The following ANXA10 variants were observed in gnomAD, a reference collection of about 807,000 sequenced individuals.
ANXA10 encodes the protein annexin 14.
A neutral mutation model predicts 53.5 loss-of-function variants in ANXA10; 49 were observed. That is an observed-to-expected ratio of 0.92 (90% CI 0.73 to 1.16). The LOEUF (loss-of-function observed/expected upper bound fraction) is 1.16, where lower values mean the gene tolerates loss of function less well. Ranked by LOEUF, ANXA10 falls within the 50% of genes most tolerant of loss-of-function variation. ANXA10 has a pLI of 0.00. For missense variants in ANXA10, 393 were observed against 394.4 expected (o/e 1.00, Z 0.03); for synonymous variants, 131 against 128.9 (o/e 1.02, Z -0.11).
intron 3 of ANXA10, among the ~76,000 whole-genome samples, chr4:168,157,428 T>TGGCTAATTGTTATATTTTTA (rs1731707188): frequency 1.3e-5 from 2 of 151,936 alleles, no homozygotes; most frequent in Admixed American, 6.6e-5. Flanking sequence ...CCACCACCCC[T>TGGCTAATTGTTATATTTTTA]GGCTAATTGT....
chr4:168,098,621 A>G (rs987153811), intron 1 of ANXA10, among the ~76,000 whole-genome samples: 3 of 152,146 alleles, frequency 2.0e-5, no homozygotes, highest in South Asian at 2.1e-4. Context: ...TACTTTACTC[A>G]TAGCTTTTGG....
rs149289863 is a variant in ANXA10 at position 168,111,843 on chromosome 4, T to C, written c.19-16241T>C. Among the ~76,000 whole-genome samples, 812 of 152,302 alleles carry C rather than the reference T, an allele frequency of 5.3e-3. 5 individuals are homozygous for C. Among genetic ancestry groups the C allele is most frequent in the Middle Eastern group, 0.024 (7 of 294 alleles). ...TTTCAGTTCTTTTTAAATAATATAG[T>C]ACTGATCAATAAAAAGCATGTAATG... On this transcript the variant is annotated intron_variant, in intron 1 of 11. Coordinates refer to ENST00000359299, the MANE Select transcript of ANXA10 (RefSeq NM_007193.5).
intron 1 of ANXA10, among the ~76,000 whole-genome samples, chr4:168,094,707 G>GGT (rs1730514645): frequency 6.6e-6 from 1 of 151,968 alleles, no homozygotes; most frequent in South Asian, 2.1e-4. Context: ...CACAGAGATA[G>GGT]GTAGTTCATT....
intron 1 of ANXA10, among the ~76,000 whole-genome samples, chr4:168,114,086 C>T (rs185032954): frequency 6.6e-6 from 1 of 152,178 alleles, no homozygotes; most frequent in East Asian, 1.9e-4. Flanking sequence ...TGTAAATAAC[C>T]TAAATAGGTC....
intron 8 of ANXA10, 134 bp from the exon 9 acceptor site, chr4:168,179,083 T>G (rs900236651): frequency 1.7e-6 from 1 of 590,578 alleles, no homozygotes; most frequent in East Asian, 3.2e-5. Context: ...ATGGTATTTA[T>G]AGCAAACAGA....
chr4:168,123,918 C>G (rs376702184), intron 1 of ANXA10, among the ~76,000 whole-genome samples: 1 of 152,134 alleles, frequency 6.6e-6, no homozygotes, highest in Non-Finnish European at 1.5e-5. Context: ...TAGGTATCTT[C>G]CCAAATTATT....
At chr4:168,142,784 C>G (rs1295388601) in intron 3 of ANXA10, among the ~76,000 whole-genome samples, 1 of 152,180 alleles carries the variant, frequency 6.6e-6, no homozygotes, top group Non-Finnish European at 1.5e-5. Flanking sequence ...TTGACTGCTC[C>G]TGTAAACTTT....
At chr4:168,096,905 C>A (rs1322152728) in intron 1 of ANXA10, among the ~76,000 whole-genome samples, 3 of 32,758 alleles carry the variant, frequency 9.2e-5, no homozygotes, top group Non-Finnish European at 1.8e-4. Flanking sequence ...ATTACTAATA[C>A]AAATGCATAT....
intron 1 of ANXA10, among the ~76,000 whole-genome samples, chr4:168,117,939 C>CTCACTCACTCA (rs1560962422): frequency 7.7e-6 from 1 of 130,238 alleles, no homozygotes; most frequent in Non-Finnish European, 1.6e-5. Flanking sequence ...TCACTCACTC[C>CTCACTCACTCA]CTCCCTCCCT....
chr4:168,117,930 CA>C (rs1398260584), intron 1 of ANXA10, among the ~76,000 whole-genome samples: 25 of 147,998 alleles, frequency 1.7e-4, no homozygotes, highest in African/African-American at 6.5e-4. Context: ...CTCACTCACT[CA>C]CTCACTCCCT....
At chr4:168,133,228 T>A (rs1261979185) in intron 2 of ANXA10, among the ~76,000 whole-genome samples, 2 of 152,110 alleles carry the variant, frequency 1.3e-5, no homozygotes, top group Non-Finnish European at 2.9e-5. Context: ...AAAATATGTG[T>A]GTCACATAAA....
intron 1 of ANXA10, among the ~76,000 whole-genome samples, chr4:168,111,969 G>C (rs188836632): frequency 6.6e-6 from 1 of 152,238 alleles, no homozygotes; most frequent in African/African-American, 2.4e-5. Context: ...TAGACTTCAA[G>C]AAATATCCTA....
At chr4:168,126,023 A>C (rs965561713) in intron 1 of ANXA10, among the ~76,000 whole-genome samples, 3 of 152,214 alleles carry the variant, frequency 2.0e-5, no homozygotes, top group African/African-American at 7.2e-5. Context: ...AAAGAAATGA[A>C]AAAATCTTAA....
Position 168,179,221 on chromosome 4 carries a change from C to T in ANXA10, c.633C>T (p.Phe211=), listed in dbSNP as rs779654853. 1.3e-6 allele frequency: 2 copies of T among 1,598,696 alleles called. No homozygotes were observed. Among genetic ancestry groups the T allele is most frequent in the Non-Finnish European group, 1.7e-6 (2 of 1,169,330 alleles). ...NKSYQQLRLV[F]QEFQNISGQD... ...AATTACATCAATTTGTTAAAGTTTT[C>T]CAGGAATTTCAAAATATTTCTGGGC... Residue 211 remains phenylalanine (F), a synonymous_variant, in exon 9 of 12, where the codon TTC becomes TTT. Coordinates refer to ENST00000359299, the MANE Select transcript of ANXA10 (RefSeq NM_007193.5).
intron 3 of ANXA10, among the ~76,000 whole-genome samples, chr4:168,146,311 C>A (rs983618932): frequency 6.6e-6 from 1 of 152,092 alleles, no homozygotes; most frequent in African/African-American, 2.4e-5. Context: ...AGTGATGTGG[C>A]GGAAGTCAGC....
intron 4 of ANXA10, among the ~76,000 whole-genome samples, chr4:168,163,489 C>A (rs535054855): frequency 3.1e-5 from 3 of 96,632 alleles, no homozygotes; most frequent in African/African-American, 1.5e-4. Flanking sequence ...TTTAACTAAT[C>A]GCTTTTAACA....
chr4:168,148,263 G>A (rs1481373448), intron 3 of ANXA10, among the ~76,000 whole-genome samples: 1 of 151,772 alleles, frequency 6.6e-6, no homozygotes, highest in Non-Finnish European at 1.5e-5. Context: ...TGTCTCCTGG[G>A]TTCAAGCAAT....
At chr4:168,165,777 A>G (rs1310428979) in intron 6 of ANXA10, among the ~76,000 whole-genome samples, 2 of 152,050 alleles carry the variant, frequency 1.3e-5, no homozygotes, top group East Asian at 3.9e-4. Flanking sequence ...CCTGGGTTCA[A>G]GTGATTTTCC....
chr4:168,124,434 C>T (rs1475534303), intron 1 of ANXA10, among the ~76,000 whole-genome samples: 1 of 151,952 alleles, frequency 6.6e-6, no homozygotes, highest in Non-Finnish European at 1.5e-5. Flanking sequence ...ATGAAACTAT[C>T]CAGGGAGTAA....
Sources: gnomAD v4.1 joint callset for allele counts (sites outside exome capture counted in the v4.1 genomes callset) on GRCh38, gnomAD v4.1.1 for gene constraint, MANE v1.5 for transcripts, NCBI Gene and HGNC (gene_info 2026-07-23, HGNC 2026-07-21) for gene names.